Variants in ZNF385D observed in about 807,000 individuals in gnomAD.
ZNF385D encodes the protein zinc finger protein 385D.
A neutral mutation model predicts 35.8 loss-of-function variants in ZNF385D; 15 were observed. The ratio of observed to expected loss-of-function variants is 0.42; its 90% CI spans 0.28 to 0.64. The LOEUF (loss-of-function observed/expected upper bound fraction) is 0.64, where lower values mean the gene tolerates loss of function less well. Among genes scored for constraint, ZNF385D ranks in the 30% least tolerant of loss-of-function variants. The pLI is 0.23. For synonymous variants in ZNF385D, 212 were observed against 186.8 expected, an observed-to-expected ratio of 1.13 and a Z score of -1.10; for missense variants, 474 against 494.6, an observed-to-expected ratio of 0.96 and a Z score of 0.39.
Position 22,283,099 on chromosome 3 carries a change from AT to A in ZNF385D, c.106+89350del, listed in dbSNP as rs367692969. Reference sequence around the variant, plus strand: ...TAAAAAAGACAAAGAGGGACCTTATATAAATGATAAAGGACTAGTCCAATAG... The same window carrying A: ...TAAAAAAGACAAAGAGGGACCTTATAAAATGATAAAGGACTAGTCCAATAG... On this transcript the variant is annotated intron_variant, in intron 2 of 5. Transcript: ENST00000494108. Among the ~76,000 whole-genome samples, 437 of 152,246 alleles carry A rather than the reference AT, an allele frequency of 2.9e-3. 7 individuals carry two copies. The highest frequency in any genetic ancestry group is 9.3e-3 in the African/African-American group (386 of 41,572).
chr3:22,225,868 G>A (rs937983073), intron 2 of ZNF385D, among the ~76,000 whole-genome samples: 5 of 151,972 alleles, frequency 3.3e-5, no homozygotes, highest in African/African-American at 1.2e-4. Flanking sequence ...AATTTTCTTG[G>A]CCAGTAATAC....
chr3:22,008,885 G>T (rs1696386534), intron 3 of ZNF385D, among the ~76,000 whole-genome samples: 1 of 152,096 alleles, frequency 6.6e-6, no homozygotes, highest in Non-Finnish European at 1.5e-5. Flanking sequence ...TAGGAAAGTA[G>T]AATATCTGAA....
intron 3 of ZNF385D, among the ~76,000 whole-genome samples, chr3:21,857,099 T>C (rs1575786441): frequency 1.3e-5 from 2 of 152,194 alleles, no homozygotes; most frequent in East Asian, 3.9e-4. Flanking sequence ...TTTAAAACTG[T>C]AGTAACCTGA....
chr3:21,821,965 C>CAA (rs34222360), intron 3 of ZNF385D, among the ~76,000 whole-genome samples: 10,303 of 108,302 alleles, frequency 0.095, 529 homozygotes, highest in South Asian at 0.17. Context: ...GACCTTGTCT[C>CAA]AAAAAAAAAA....
intron 3 of ZNF385D, among the ~76,000 whole-genome samples, chr3:22,114,211 C>G (rs567018218): frequency 1.7e-4 from 26 of 151,870 alleles, no homozygotes; most frequent in Non-Finnish European, 3.1e-4. Flanking sequence ...GCTTACTTCT[C>G]GCTGTTAAAC....
chr3:21,725,784 C>G (rs536104976), intron 1 of ZNF385D, among the ~76,000 whole-genome samples: 3 of 152,142 alleles, frequency 2.0e-5, no homozygotes, highest in Non-Finnish European at 2.9e-5. Flanking sequence ...CCTTCTGAAA[C>G]TATTCCAAGC....
chr3:21,966,654 T>A (rs1188178804), intron 3 of ZNF385D, among the ~76,000 whole-genome samples: 1 of 152,186 alleles, frequency 6.6e-6, no homozygotes, highest in Non-Finnish European at 1.5e-5. Flanking sequence ...CAATCTCGGT[T>A]CACTACAATC....
intron 2 of ZNF385D, among the ~76,000 whole-genome samples, chr3:22,262,012 C>A (rs1700658856): frequency 6.6e-6 from 1 of 151,810 alleles, no homozygotes; most frequent in Admixed American, 6.6e-5. Context: ...ATAGATTGAT[C>A]CATTAATATT....
intron 3 of ZNF385D, among the ~76,000 whole-genome samples, chr3:21,784,757 A>C (rs2071620674): frequency 6.6e-6 from 1 of 152,110 alleles, no homozygotes; most frequent in Non-Finnish European, 1.5e-5. Flanking sequence ...AAGAACCTAT[A>C]ACAAAGAAAA....
At chr3:21,993,074 C>A (rs529400172) in intron 3 of ZNF385D, among the ~76,000 whole-genome samples, 1 of 152,282 alleles carries the variant, frequency 6.6e-6, no homozygotes, top group East Asian at 1.9e-4. Flanking sequence ...GTTTTCTTAT[C>A]AACATGCCAG....
intron 2 of ZNF385D, among the ~76,000 whole-genome samples, chr3:22,242,882 C>A (rs1397615717): frequency 1.3e-5 from 2 of 150,868 alleles, no homozygotes; most frequent in African/African-American, 2.5e-5. Flanking sequence ...GAGGGGTATA[C>A]AGAAACTAAT....
chr3:21,424,196 T>C, intron 6 of ZNF385D, 132 bp from the exon 7 acceptor site: 2 of 671,238 alleles, frequency 3.0e-6, no homozygotes, highest in Non-Finnish European at 4.5e-6. Context: ...TAAAAGATCA[T>C]GCACTTTTGT....
At chr3:22,001,183 A>C (rs920364517) in intron 3 of ZNF385D, among the ~76,000 whole-genome samples, 7 of 152,124 alleles carry the variant, frequency 4.6e-5, no homozygotes, top group Non-Finnish European at 8.8e-5. Context: ...TAAATTCCCT[A>C]CTTAAAAGAT....
chr3:21,995,733 G>A (rs558693815), intron 3 of ZNF385D, among the ~76,000 whole-genome samples: 1 of 152,016 alleles, frequency 6.6e-6, no homozygotes, highest in East Asian at 1.9e-4. Context: ...CCAGAATGGT[G>A]CCCAAGAGGA....
intron 3 of ZNF385D, among the ~76,000 whole-genome samples, chr3:22,076,926 A>C (rs1276575530): frequency 1.3e-5 from 2 of 151,946 alleles, no homozygotes; most frequent in Non-Finnish European, 2.9e-5. Context: ...TGTGAAAAAA[A>C]CACTCATCTA....
chr3:21,506,759 T>C (rs988867507), intron 4 of ZNF385D, among the ~76,000 whole-genome samples: 2 of 152,330 alleles, frequency 1.3e-5, no homozygotes, highest in African/African-American at 2.4e-5. Flanking sequence ...TTTAAAAATA[T>C]TACTTTTACC....
At chr3:21,831,455 T>C (rs1288865889) in intron 3 of ZNF385D, among the ~76,000 whole-genome samples, 4 of 152,230 alleles carry the variant, frequency 2.6e-5, no homozygotes, top group African/African-American at 7.2e-5. Context: ...AAATGATCCC[T>C]AGACTGGGAA....
At chr3:21,673,606 C>T (rs997099918) in intron 1 of ZNF385D, among the ~76,000 whole-genome samples, 7 of 152,110 alleles carry the variant, frequency 4.6e-5, no homozygotes, top group African/African-American at 1.7e-4. Context: ...AAATCATCGT[C>T]CATTTCTAGA....
chr3:21,635,054 T>C (rs781153867), intron 2 of ZNF385D, among the ~76,000 whole-genome samples: 10 of 152,060 alleles, frequency 6.6e-5, no homozygotes, highest in South Asian at 6.2e-4. Context: ...TTTAGGCAAA[T>C]AGAAACCCAT....
Sources: allele counts gnomAD v4.1 joint callset (sites outside exome capture counted in the v4.1 genomes callset), GRCh38; gene constraint gnomAD v4.1.1; transcripts MANE v1.5; gene names NCBI Gene and HGNC (gene_info 2026-07-23, HGNC 2026-07-21).